FMNL2: variants seen among roughly 807,000 people sequenced by gnomAD.
FMNL2 encodes formin like 2, also known as formin-like protein 2.
In FMNL2, 51 loss-of-function variants were observed where a neutral mutation model predicts 130.2. The observed-to-expected ratio is 0.39, with a 90% CI of 0.31 to 0.49. FMNL2 has a LOEUF of 0.49. Among genes scored for constraint, FMNL2 ranks in the 20% least tolerant of loss-of-function variants. The pLI is 0.85. For missense variants in FMNL2, 977 were observed against 1,316.2 expected, an observed-to-expected ratio of 0.74 and a Z score of 3.99; for synonymous variants, 465 against 467.1, an observed-to-expected ratio of 1.00 and a Z score of 0.06.
At chr2:152,370,667 C>T (rs1043265961) in intron 1 of FMNL2, among the ~76,000 whole-genome samples, 19 of 152,230 alleles carry the variant, frequency 1.2e-4, no homozygotes, top group African/African-American at 4.3e-4. Flanking sequence ...AAGGTGAGTC[C>T]TGTTACTTGA....
chr2:152,636,645 T>G, intron 22 of FMNL2, 55 bp downstream of exon 22: 6 of 1,530,202 alleles, frequency 3.9e-6, no homozygotes, highest in Middle Eastern at 2.1e-4. Context: ...TAAAGCTGCC[T>G]GTGGTGCAGG....
rs149017562 is a variant in FMNL2 at position 152,402,548 on chromosome 2, G to A, written c.117+66828G>A. Among the ~76,000 whole-genome samples the A allele has an allele frequency of 1.6e-3, 239 of 152,306 alleles. 2 individuals are homozygous for A. Among genetic ancestry groups the A allele is most frequent in the South Asian group, 0.015 (70 of 4,826 alleles). On this transcript the variant is annotated intron_variant, in intron 1 of 25. Transcript: ENST00000288670. The stretch of plus-strand genomic sequence containing the variant: ...TCTTTTGTGATGTTTACTGGTCCAC[G>A]AAGACAGGAGAGTGAGGGTAGGAAG...
intron 1 of FMNL2, among the ~76,000 whole-genome samples, chr2:152,405,349 T>A (rs1284249375): frequency 6.6e-6 from 1 of 152,146 alleles, no homozygotes; most frequent in Non-Finnish European, 1.5e-5. Flanking sequence ...GCTGATGTGG[T>A]TCCTGTCCTC....
chr2:152,542,921 G>T, intron 3 of FMNL2, 102 bp downstream of exon 3: 1 of 1,299,032 alleles, frequency 7.7e-7, no homozygotes, highest in Non-Finnish European at 1.1e-6. Context: ...TAGAGCCTCT[G>T]CCAGAGCCTC....
chr2:152,353,800 CTTTAGGG>C lies in FMNL2; in HGVS notation c.117+18082_117+18088del, dbSNP rs1579458049. On this transcript the variant is annotated intron_variant, in intron 1 of 25. Coordinates refer to ENST00000288670, the MANE Select transcript of FMNL2 (RefSeq NM_052905.4). ...AAATTTGACTTTATTAAAGCACTGG[CTTTAGGG>C]TCCAAGCTGTGGACTTTAACTGGAT... is the stretch of plus-strand genomic sequence containing the variant. 2.6e-5 allele frequency among the ~76,000 whole-genome samples: 4 copies of C among 152,262 alleles called. No homozygotes were observed. In the East Asian group the frequency reaches 7.7e-4, roughly 29 times the overall value.
intron 1 of FMNL2, among the ~76,000 whole-genome samples, chr2:152,514,747 G>A (rs2105373068): frequency 6.6e-6 from 1 of 152,294 alleles, no homozygotes; most frequent in African/African-American, 2.4e-5. Flanking sequence ...AAAAGTTTAT[G>A]TGAATGTGTT....
chr2:152,600,710 T>C (rs2105815392), intron 9 of FMNL2, among the ~76,000 whole-genome samples: 1 of 150,448 alleles, frequency 6.6e-6, no homozygotes, highest in Middle Eastern at 3.4e-3. Flanking sequence ...CTTTCACAGA[T>C]GTTGGAGAGC....
chr2:152,407,426 C>T (rs1316370658), intron 1 of FMNL2, among the ~76,000 whole-genome samples: 2 of 152,064 alleles, frequency 1.3e-5, no homozygotes, highest in Non-Finnish European at 2.9e-5. Context: ...TCTGCCGACT[C>T]CTGACAGCGC....
chr2:152,611,565 A>G lies in FMNL2; in HGVS notation c.1022A>G (p.Gln341Arg). The G allele has an allele frequency of 6.2e-7, 1 of 1,604,730 alleles. No individual in the cohort carries two copies. Among genetic ancestry groups the G allele is most frequent in the Non-Finnish European group, 8.5e-7 (1 of 1,174,680 alleles). The change falls in exon 11 of 26, where the codon CAG becomes CGG. Residue 341 changes from glutamine to arginine, a missense_variant. Physicochemically the swap from Gln to Arg is conservative, Grantham distance 43. This residue lies in a region of FMNL2 where 689 missense variants were observed against 995.9 expected (regional missense o/e 0.69). Transcript: ENST00000288670. ...VEDMNFRVHL[Q>R]YEFTKLGLDE... is the part of the protein sequence containing the mutation. ...GATATGAATTTCAGAGTTCACCTGCAGTATGAATTTACCAAATTAGGCCTG... is the reference window on the plus strand; with the variant it reads ...GATATGAATTTCAGAGTTCACCTGCGGTATGAATTTACCAAATTAGGCCTG...
chr2:152,448,375 C>T lies in FMNL2; in HGVS notation c.118-73568C>T, dbSNP rs116366603. On this transcript the variant is annotated intron_variant, in intron 1 of 25. Coordinates refer to ENST00000288670, the MANE Select transcript of FMNL2 (RefSeq NM_052905.4). ...TTCTGAGAGTGTGTTCAAAGGGTAC[C>T]TTTGACTCTTGTTGGAGTTTGAGTA... 1.3e-3 allele frequency among the ~76,000 whole-genome samples: 202 copies of T among 152,142 alleles called. 1 individual carries two copies. The highest frequency in any genetic ancestry group is 4.1e-3 in the African/African-American group (172 of 41,518).
intron 1 of FMNL2, among the ~76,000 whole-genome samples, chr2:152,386,523 A>AAG (rs1460689602): frequency 2.2e-4 from 25 of 113,534 alleles, no homozygotes; most frequent in African/African-American, 7.6e-4. Context: ...ACTCATTCAA[A>AAG]CTCTAGGCTT....
chr2:152,390,375 G>A, intron 1 of FMNL2: 1 of 1,083,588 alleles, frequency 9.2e-7, no homozygotes, highest in Non-Finnish European at 1.4e-6. Flanking sequence ...TGTGCATCTT[G>A]AGAAGATCAA....
intron 2 of FMNL2, among the ~76,000 whole-genome samples, chr2:152,539,900 T>C (rs1694208172): frequency 6.6e-6 from 1 of 152,110 alleles, no homozygotes; most frequent in Non-Finnish European, 1.5e-5. Flanking sequence ...AGGAGTTCAA[T>C]ACCAGCCTGG....
intron 1 of FMNL2, among the ~76,000 whole-genome samples, chr2:152,361,199 G>A (rs10931068): frequency 0.76 from 116,242 of 152,066 alleles, 45,573 homozygotes; most frequent in Admixed American, 0.86. Flanking sequence ...CTTCTAATGT[G>A]TATCTCTTGA....
intron 1 of FMNL2, among the ~76,000 whole-genome samples, chr2:152,496,902 T>C (rs1046990054): frequency 1.3e-5 from 2 of 150,436 alleles, no homozygotes; most frequent in Admixed American, 1.4e-4. Flanking sequence ...AAGCTTATCT[T>C]GGATTTTTTT....
intron 1 of FMNL2, among the ~76,000 whole-genome samples, chr2:152,378,714 C>T (rs1048715889): frequency 1.3e-5 from 2 of 152,252 alleles, no homozygotes; most frequent in East Asian, 1.9e-4. Flanking sequence ...GGTCCATGAC[C>T]TGTCTGCCTT....
intron 1 of FMNL2, among the ~76,000 whole-genome samples, chr2:152,455,727 T>C (rs1475592033): frequency 1.3e-5 from 2 of 152,200 alleles, no homozygotes; most frequent in Non-Finnish European, 2.9e-5. Context: ...TTTTCTTTTG[T>C]TTTTTGAGAA....
intron 25 of FMNL2, chr2:152,643,648 G>A (rs1186066139): frequency 6.8e-7 from 1 of 1,466,538 alleles, no homozygotes; most frequent in Non-Finnish European, 9.0e-7. Flanking sequence ...TATATTTTGT[G>A]TTGTTCTCAT....
chr2:152,567,765 ATG>A (rs1235999104), intron 6 of FMNL2, among the ~76,000 whole-genome samples: 4 of 152,234 alleles, frequency 2.6e-5, no homozygotes, highest in Admixed American at 6.5e-5. Context: ...TTGAACCCTT[ATG>A]TCAGCTTCCG....
Sources: allele counts gnomAD v4.1 joint callset (sites outside exome capture counted in the v4.1 genomes callset), GRCh38; gene constraint gnomAD v4.1.1; regional missense constraint gnomAD v4.1.1; transcripts MANE v1.5; gene names NCBI Gene and HGNC (gene_info 2026-07-23, HGNC 2026-07-21).